Variants in PTPRN2 observed in about 807,000 individuals in gnomAD.
PTPRN2 encodes the protein receptor-type tyrosine-protein phosphatase N2.
In PTPRN2, 74 loss-of-function variants were observed where a neutral mutation model predicts 118.8. The observed-to-expected ratio is 0.62, with a 90% CI of 0.52 to 0.76. The LOEUF (loss-of-function observed/expected upper bound fraction) is 0.76, where lower values mean the gene tolerates loss of function less well. Ranked by LOEUF, PTPRN2 falls within the 30% of genes least tolerant of loss-of-function variation. The pLI is 0.00. For missense variants in PTPRN2, 1,481 were observed against 1,394.4 expected (o/e 1.06, Z -0.99); for synonymous variants, 641 against 608.0 (o/e 1.05, Z -0.80).
intron 12 of PTPRN2, among the ~76,000 whole-genome samples, chr7:157,897,821 G>A (rs377055621): frequency 1.3e-5 from 2 of 152,276 alleles, no homozygotes; most frequent in Non-Finnish European, 2.9e-5. Flanking sequence ...TGTGCAGCGA[G>A]CACACTCATA....
chr7:157,810,052 C>T (rs376112536), intron 12 of PTPRN2, among the ~76,000 whole-genome samples: 35 of 152,270 alleles, frequency 2.3e-4, no homozygotes, highest in South Asian at 1.7e-3. Context: ...CACGAGGGCT[C>T]GGCAGAGAGG....
intron 2 of PTPRN2, among the ~76,000 whole-genome samples, chr7:158,338,462 G>C (rs757299520): frequency 1.9e-3 from 42 of 22,472 alleles, no homozygotes; most frequent in South Asian, 4.8e-3. Context: ...ACCATAAGAG[G>C]TGACACATGC....
chr7:158,174,084 G>C (rs2335833), intron 5 of PTPRN2, among the ~76,000 whole-genome samples: 5 of 152,134 alleles, frequency 3.3e-5, no homozygotes, highest in South Asian at 4.2e-4. Flanking sequence ...AGAGTATTGA[G>C]TGGGGAAATG....
rs1467155854 is a variant in PTPRN2, at chr7:157,813,948, A to G, written c.1788+84725T>C. On this transcript the variant is annotated intron_variant, in intron 12 of 22. Transcript: ENST00000389418. The surrounding 1 kb of genome is among the most constrained non-coding windows in gnomAD (Gnocchi z 4.7). ...ACCCCGCCGTGAGAGCCCCGACACA[A>G]GTCGCGGTTTGTGGTGCTTTGGAGG... 1.3e-5 allele frequency among the ~76,000 whole-genome samples: 2 copies of G among 152,242 alleles called. No individual in the cohort carries two copies. Among genetic ancestry groups the G allele is most frequent in the African/African-American group, 2.4e-5 (1 of 41,468 alleles).
chr7:158,001,265 G>T (rs1373682762), intron 11 of PTPRN2, among the ~76,000 whole-genome samples: 1 of 151,908 alleles, frequency 6.6e-6, no homozygotes, highest in Non-Finnish European at 1.5e-5. Context: ...TGGGGCTGAG[G>T]TTCGGCCACA....
chr7:157,595,089 T>G, intron 17 of PTPRN2, 149 bp downstream of exon 17: 1 of 746,630 alleles, frequency 1.3e-6, no homozygotes, highest in South Asian at 1.9e-5. Context: ...TAATAAAAAA[T>G]ATGAACAGAC....
At chr7:157,714,285 A>G (rs1488757616) in intron 12 of PTPRN2, among the ~76,000 whole-genome samples, 1 of 152,234 alleles carries the variant, frequency 6.6e-6, no homozygotes, top group Non-Finnish European at 1.5e-5. Context: ...CTGTCAGTAT[A>G]GTACAGTCCG....
At chr7:157,631,175 A>G (rs577715714) in intron 14 of PTPRN2, among the ~76,000 whole-genome samples, 1 of 152,328 alleles carries the variant, frequency 6.6e-6, no homozygotes, top group East Asian at 1.9e-4. Flanking sequence ...CCTTGTTACC[A>G]ATCAAACTGT....
intron 2 of PTPRN2, among the ~76,000 whole-genome samples, chr7:158,476,723 C>A (rs558510615): frequency 3.9e-5 from 6 of 152,246 alleles, no homozygotes; most frequent in Non-Finnish European, 8.8e-5. Flanking sequence ...AAAACGAGGG[C>A]GTCCTTAGCG....
intron 12 of PTPRN2, among the ~76,000 whole-genome samples, chr7:157,687,376 A>G (rs1797250165): frequency 6.6e-6 from 1 of 152,222 alleles, no homozygotes; most frequent in South Asian, 2.1e-4. Context: ...AGGTTGTGTG[A>G]TATAACCAGT....
At chr7:157,965,978 A>G (rs1801895079) in intron 11 of PTPRN2, among the ~76,000 whole-genome samples, 2 of 152,198 alleles carry the variant, frequency 1.3e-5, no homozygotes, top group African/African-American at 4.8e-5. Flanking sequence ...CAAAGCATGC[A>G]TGGGGCACTG....
At chr7:158,573,760 A>G (rs1429856978) in intron 1 of PTPRN2, among the ~76,000 whole-genome samples, 1 of 152,204 alleles carries the variant, frequency 6.6e-6, no homozygotes, top group African/African-American at 2.4e-5. Context: ...CCACTCTTAG[A>G]TGTCCTAAAA....
At chr7:158,410,510 A>G (rs763356772) in intron 2 of PTPRN2, among the ~76,000 whole-genome samples, 7 of 152,194 alleles carry the variant, frequency 4.6e-5, no homozygotes, top group Non-Finnish European at 1.0e-4. Context: ...ACTCTGAGGC[A>G]TGTGGGGTGA....
intron 20 of PTPRN2, among the ~76,000 whole-genome samples, chr7:157,570,121 C>G (rs980656714): frequency 2.6e-5 from 4 of 152,270 alleles, no homozygotes; most frequent in African/African-American, 9.6e-5. Context: ...ATCCTCACAC[C>G]CTCACTGCAT....
rs1307664032 is a variant in PTPRN2 at position 158,071,592 on chromosome 7, G to A, written c.1723+9706C>T. Among the ~76,000 whole-genome samples the A allele has an allele frequency of 8.2e-4, 74 of 90,352 alleles. 5 individuals carry two copies. Among genetic ancestry groups the A allele is most frequent in the African/African-American group, 3.2e-3 (66 of 20,514 alleles). 59.3% of individuals were successfully genotyped at this position (90,352 alleles called of 152,430 possible). A position where few individuals can be genotyped will look rare whatever the true frequency, so the allele number is the denominator to read the frequency against. ...CCTGGTGGAGGTGCTCCTGGTGGAG[G>A]TGCTCCTGGTGGAGGTGCTCGTGGT... is the stretch of plus-strand genomic sequence containing the variant. On this transcript the variant is annotated intron_variant, in intron 11 of 22. Coordinates refer to ENST00000389418, the MANE Select transcript of PTPRN2 (RefSeq NM_002847.5).
At chr7:157,642,207 T>C (rs961482323) in intron 14 of PTPRN2, among the ~76,000 whole-genome samples, 4 of 152,228 alleles carry the variant, frequency 2.6e-5, no homozygotes, top group African/African-American at 9.6e-5. Flanking sequence ...GCTGTAAGCC[T>C]CTTAGGAGCC....
chr7:158,016,118 A>G (rs1159365024), intron 11 of PTPRN2, among the ~76,000 whole-genome samples: 1 of 152,208 alleles, frequency 6.6e-6, no homozygotes, highest in East Asian at 1.9e-4. Context: ...TCAGCAAATC[A>G]ACACGGATGC....
chr7:157,891,333 G>C (rs779278202), intron 12 of PTPRN2, among the ~76,000 whole-genome samples: 60 of 152,200 alleles, frequency 3.9e-4, no homozygotes, highest in Non-Finnish European at 6.3e-4. Flanking sequence ...AAATGAAGCT[G>C]GTTTCGAACA....
intron 2 of PTPRN2, among the ~76,000 whole-genome samples, chr7:158,478,121 G>A (rs976337910): frequency 2.6e-5 from 4 of 152,232 alleles, no homozygotes; most frequent in African/African-American, 4.8e-5. Context: ...CAGGCACGGC[G>A]GCAAAGAGAG....
Sources: gnomAD v4.1 joint callset for allele counts (sites outside exome capture counted in the v4.1 genomes callset) on GRCh38, gnomAD v4.1.1 for gene constraint, Gnocchi (gnomAD v3.1) non-coding constraint, MANE v1.5 for transcripts, NCBI Gene and HGNC (gene_info 2026-07-23, HGNC 2026-07-21) for gene names.